Variants in PLEC observed in about 807,000 individuals in gnomAD.
PLEC encodes plectin.
A neutral mutation model predicts 392.8 loss-of-function variants in PLEC; 216 were observed. The observed-to-expected ratio is 0.55, with a 90% CI of 0.49 to 0.62. PLEC has a LOEUF of 0.62. PLEC is among the 20% of genes least tolerant of loss of function. The probability of loss-of-function intolerance (pLI) is 0.00; values close to 1 mark genes in which losing one functional copy is unlikely to be tolerated. For missense variants in PLEC, 6,863 were observed against 6,563.4 expected, an observed-to-expected ratio of 1.05 and a Z score of -1.58; for synonymous variants, 3,621 against 2,980.6, an observed-to-expected ratio of 1.21 and a Z score of -7.00.
In PLEC at chr8:143,917,017, G is replaced by C; in HGVS notation, c.12804C>G (p.Ala4268=). Residue 4268 remains alanine (A), a synonymous_variant, in exon 32 of 32, where the codon GCC becomes GCG. Coordinates refer to ENST00000345136, the MANE Select transcript of PLEC (RefSeq NM_201384.3). ...ISPAVSRTQL[A]SWSDPTEETG... ...TCTCCTCAGTGGGGTCTGACCAGGA[G>C]GCCAGCTGGGTCCTGGAGACGGCGG... 1 of 1,612,512 alleles carries C rather than the reference G, an allele frequency of 6.2e-7. No homozygotes were observed. The highest frequency in any genetic ancestry group is 2.2e-5 in the East Asian group (1 of 44,870).
In PLEC at chr8:143,920,994, G is replaced by A. The variant is rs760837198; in HGVS notation, c.8827C>T (p.Arg2943Trp). Residue 2943 changes from arginine to tryptophan, a missense_variant, in exon 32 of 32, where the codon CGG becomes TGG. Physicochemically the swap from Arg to Trp is moderately radical, Grantham distance 101 (BLOSUM62 -3). Coordinates refer to ENST00000345136, the MANE Select transcript of PLEC (RefSeq NM_201384.3). ...GTGATCCGGCCCGTGCGGAACTGCC[G>A]CAGCAGGTCCCGCCGCTGCTCTGCC... Reference protein sequence around the residue: ...FTAEQRRDLLRQFRTGRITVE... With the variant: ...FTAEQRRDLLWQFRTGRITVE... 1.5e-5 allele frequency: 25 copies of A among 1,612,912 alleles called. No homozygotes were observed. The highest frequency in any genetic ancestry group is 3.3e-4 in the Middle Eastern group (2 of 6,084).
upstream of PLEC, among the ~76,000 whole-genome samples, chr8:143,940,090 C>T (rs1234317353): frequency 6.6e-6 from 1 of 152,238 alleles, no homozygotes; most frequent in African/African-American, 2.4e-5. Flanking sequence ...TCTTGCAGCC[C>T]CCCAATCACA....
chr8:143,970,848 G>A (rs567507820), intron 1 of PLEC, among the ~76,000 whole-genome samples: 26 of 152,302 alleles, frequency 1.7e-4, no homozygotes, highest in South Asian at 1.7e-3. Flanking sequence ...GGCGCTGGGC[G>A]ACTGGACACC....
In PLEC at chr8:143,918,288, T is replaced by C. The variant is rs782125549; in HGVS notation, c.11533A>G (p.Ser3845Gly). 4.0e-5 allele frequency: 64 copies of C among 1,592,758 alleles called. No individual in the cohort carries two copies. Among genetic ancestry groups the C allele is most frequent in the Non-Finnish European group, 5.4e-5 (63 of 1,177,062 alleles). Residue 3845 changes from serine to glycine, a missense_variant, in exon 32 of 32, where the codon AGC becomes GGC. Coordinates refer to ENST00000345136, the MANE Select transcript of PLEC (RefSeq NM_201384.3). ...TCGTCGGTGGACGGGTCCACGTAGC[T>C]GCGCACCTCGCTGGGCTCTGACAGC... The part of the protein sequence containing the change: ...DQLSEPSEVR[S>G]YVDPSTDERL...
rs752880014 is a variant in PLEC, at chr8:143,918,208, G to A, written c.11613C>T (p.Gly3871=). The change falls in exon 32 of 32, where the codon GGC becomes GGT. Residue 3871 remains glycine (G), a synonymous_variant. Transcript: ENST00000345136. ...CGTCCGACAGTGGCAGGAGCAGCTG[G>A]CCGGTGCCGTCGTCACGACGGCACC... ...LRRCRRDDGT[G]QLLLPLSDAR... The A allele has an allele frequency of 1.5e-5, 23 of 1,582,112 alleles. No individual in the cohort carries two copies. Among genetic ancestry groups the A allele is most frequent in the Admixed American group, 1.4e-4 (8 of 57,936 alleles).
At position 143,947,073 on chromosome 8, in the gene PLEC, C is replaced by T. The variant is rs532053477; in HGVS notation, c.523+3111G>A. Among the ~76,000 whole-genome samples, 14 of 152,356 alleles carry T rather than the reference C, an allele frequency of 9.2e-5. No homozygotes were observed. The South Asian group carries it at 1.7e-3, about 18-fold the overall frequency. On this transcript the variant is annotated intron_variant, in intron 1 of 31. Coordinates refer to the PLEC transcript ENST00000322810. ...CGGCGATCTACAGAAATCCCGCAAA[C>T]GGGTGACTCGGCCAAGCCAGTGATC...
chr8:143,939,215 G>A (rs1829910443), intron 1 of PLEC, 135 bp downstream of exon 1: 15 of 1,240,486 alleles, frequency 1.2e-5, no homozygotes, highest in Non-Finnish European at 1.7e-5. Context: ...GTTGGGTGGG[G>A]ATGGCTGGCC....
At position 143,925,271 on chromosome 8, in the gene PLEC, C is replaced by A; in HGVS notation, c.4658G>T (p.Arg1553Leu). The A allele has an allele frequency of 6.3e-7, 1 of 1,581,724 alleles. No homozygotes were observed. Reference protein sequence around the residue: ...LQAEEAERRLRQAEVERARQV... With the variant: ...LQAEEAERRLLQAEVERARQV... ...CCGCGCTCGCTCCACCTCGGCCTGCCGCAGGCGCCGCTCCGCCTCCTCCGC... is the reference window on the plus strand; with the variant it reads ...CCGCGCTCGCTCCACCTCGGCCTGCAGCAGGCGCCGCTCCGCCTCCTCCGC... The change falls in exon 31 of 32, where the codon CGG becomes CTG. Residue 1553 changes from arginine to leucine, a missense_variant. Coordinates refer to ENST00000345136, the MANE Select transcript of PLEC (RefSeq NM_201384.3).
chr8:143,928,121 C>A lies in PLEC; in HGVS notation c.3261-129G>T, dbSNP rs991659522. On this transcript the variant is annotated intron_variant, in intron 25 of 31. Coordinates refer to ENST00000345136, the MANE Select transcript of PLEC (RefSeq NM_201384.3). ...AGACCCAACCCTGGGGGTCAGCTGA[C>A]CCTGTGGTCAGAGGCTTGCTTCAGG... 5.3e-6 allele frequency: 6 copies of A among 1,141,768 alleles called. No individual in the cohort carries two copies. The African/African-American group carries it at 9.4e-5, about 18-fold the overall frequency. The allele number at this position is 1,141,768 out of a possible 1,614,324, so 70.7% of individuals were successfully genotyped here.
At position 143,929,778 on chromosome 8, in the gene PLEC, G is replaced by A; in HGVS notation, c.2791C>T (p.Leu931=). The A allele has an allele frequency of 6.2e-7, 1 of 1,600,302 alleles. No individual in the cohort carries two copies. Among genetic ancestry groups the A allele is most frequent in the Non-Finnish European group, 8.5e-7 (1 of 1,179,092 alleles). The change falls in exon 23 of 32, where the codon CTG becomes TTG. Residue 931 remains leucine (L), a synonymous_variant. Coordinates refer to ENST00000345136, the MANE Select transcript of PLEC (RefSeq NM_201384.3). ...EQRQALHSLE[L]HYQAFLRDSQ... ...TCCCGCAGGAAGGCCTGGTAGTGCA[G>A]CTCCAGGCTGTGCAGGGCTTGGCGC...
upstream of PLEC, among the ~76,000 whole-genome samples, chr8:143,954,490 A>T (rs1587380754): frequency 6.6e-6 from 1 of 152,026 alleles, no homozygotes; most frequent in African/African-American, 2.4e-5. This position sits in a 1 kb window ranked among gnomAD's most constrained non-coding sequence, Gnocchi z 4.6. Flanking sequence ...TGCGCCCCCC[A>T]GTCTGCCCAC....
Position 143,929,254 on chromosome 8 carries a change from C to G in PLEC, c.3109G>C (p.Gly1037Arg), listed in dbSNP as rs782169577. 2.5e-6 allele frequency: 4 copies of G among 1,601,538 alleles called. No homozygotes were observed. Among genetic ancestry groups the G allele is most frequent in the Non-Finnish European group, 3.4e-6 (4 of 1,179,532 alleles). ...QKAQAEVEGL[G>R]KGVARLSAEA... The stretch of plus-strand genomic sequence containing the variant: ...GCAGAGAGCCGGGCGACCCCCTTGC[C>G]CAGCCCCTCCACCTCTGCCTGTGCC... Residue 1037 changes from glycine (G) to arginine (R), a missense_variant, in exon 25 of 32, where the codon GGC becomes CGC. Transcript: ENST00000345136.
rs1422147389 is a variant in PLEC, at chr8:143,920,122, G to A, written c.9699C>T (p.Thr3233=). 3 of 1,612,868 alleles carry A rather than the reference G, an allele frequency of 1.9e-6. No individual in the cohort carries two copies. The highest frequency in any genetic ancestry group is 3.3e-5 in the Admixed American group (2 of 60,010). The stretch of plus-strand genomic sequence containing the variant: ...GGACCTCAACCGGGGTCTTTTCAAA[G>A]GTCTCACGGGCCTGCAGCTCTGAGT... The part of the protein sequence containing the change: ...ELYSELQARE[T]FEKTPVEVPV... Residue 3233 remains threonine (T), a synonymous_variant, in exon 32 of 32, where the codon ACC becomes ACT. Coordinates refer to ENST00000345136, the MANE Select transcript of PLEC (RefSeq NM_201384.3).
chr8:143,918,453 G>T lies in PLEC; in HGVS notation c.11368C>A (p.Leu3790Met). 6.3e-7 allele frequency: 1 copy of T among 1,588,348 alleles called. No homozygotes were observed. Among genetic ancestry groups the T allele is most frequent in the Non-Finnish European group, 8.6e-7 (1 of 1,169,328 alleles). The change falls in exon 32 of 32, where the codon CTG (leucine) becomes ATG (methionine). Residue 3790 changes from leucine (L) to methionine (M), a missense_variant. Transcript: ENST00000345136. The stretch of plus-strand genomic sequence containing the variant: ...CGCAGGGCCTCCTCAGTAGGGATCA[G>T]CTCCTTCTTCATGGCCTGGAAGAGC... ...ISLFQAMKKE[L>M]IPTEEALRLL...
In PLEC at chr8:143,939,495, G is replaced by A. The variant is rs377018374; in HGVS notation, c.-34C>T. ...CACACCTTCGTCGCCCGGACCCTCGGCCTCAGGCACGGTGCTCTGGGCAGC... is the reference window on the plus strand; with the variant it reads ...CACACCTTCGTCGCCCGGACCCTCGACCTCAGGCACGGTGCTCTGGGCAGC... On this transcript the variant is annotated 5_prime_UTR_variant, in exon 1 of 32. Coordinates refer to ENST00000345136, the MANE Select transcript of PLEC (RefSeq NM_201384.3). 3.8e-6 allele frequency: 6 copies of A among 1,591,822 alleles called. No individual in the cohort carries two copies. The South Asian group carries it at 5.7e-5, about 15-fold the overall frequency.
In PLEC at chr8:143,916,372, G is replaced by A. The variant is rs782187551; in HGVS notation, c.13449C>T (p.Ser4483=). 2.5e-5 allele frequency: 40 copies of A among 1,610,142 alleles called. No individual in the cohort carries two copies. Among genetic ancestry groups the A allele is most frequent in the African/African-American group, 1.5e-4 (11 of 74,984 alleles). The change falls in exon 32 of 32, where the codon TCC becomes TCT. Residue 4483 remains serine, a synonymous_variant. Transcript: ENST00000345136. ...CGGTGCGGGAGCCAGCGGTAGAGCC[G>A]GAGCCGCTGACGCTGTAGGGGCTGT... ...GYYSPYSVSG[S]GSTAGSRTGS... is the part of the protein sequence containing the mutation.
At chr8:143,928,331 A>G (rs977148933) in intron 25 of PLEC, among the ~76,000 whole-genome samples, 32 of 152,282 alleles carry the variant, frequency 2.1e-4, no homozygotes, top group African/African-American at 6.3e-4. Flanking sequence ...CGTAGTTCTC[A>G]GCCCTTGCAG....
chr8:143,937,051 C>T lies in PLEC; in HGVS notation c.363G>A (p.Arg121=), dbSNP rs372928313. The T allele has an allele frequency of 2.2e-5, 35 of 1,612,894 alleles. No homozygotes were observed. The highest frequency in any genetic ancestry group is 2.9e-5 in the Non-Finnish European group (34 of 1,179,742). Residue 121 remains arginine (R), a synonymous_variant, in exon 5 of 32, where the codon AGG becomes AGA. Coordinates refer to ENST00000345136, the MANE Select transcript of PLEC (RefSeq NM_201384.3). ...RHRQVKLVNI[R]NDDIADGNPK... is the part of the protein sequence containing the mutation. ...GGTTGCCGTCAGCGATGTCATCATT[C>T]CTGATGTTCACCAGCTTCACCTGTG...
At position 143,918,216 on chromosome 8, in the gene PLEC, C is replaced by T. The variant is rs782123116; in HGVS notation, c.11605G>A (p.Gly3869Ser). 5.1e-5 allele frequency: 81 copies of T among 1,577,930 alleles called. No individual in the cohort carries two copies. Among genetic ancestry groups the T allele is most frequent in the South Asian group, 1.5e-4 (13 of 89,004 alleles). The change falls in exon 32 of 32, where the codon GGC (glycine) becomes AGC (serine). Residue 3869 changes from glycine to serine, a missense_variant. Transcript: ENST00000345136. ...QLLRRCRRDD[G>S]TGQLLLPLSD... ...AGTGGCAGGAGCAGCTGGCCGGTGC[C>T]GTCGTCACGACGGCACCGCCTGAGC...
Sources: gnomAD v4.1 joint callset for allele counts (sites outside exome capture counted in the v4.1 genomes callset) on GRCh38, gnomAD v4.1.1 for gene constraint, Gnocchi (gnomAD v3.1) non-coding constraint, MANE v1.5 for transcripts, NCBI Gene and HGNC (gene_info 2026-07-23, HGNC 2026-07-21) for gene names.